Variants in BICD1 observed in about 807,000 individuals in gnomAD.
The protein encoded by BICD1 is protein bicaudal D homolog 1.
Under a neutral mutation model 92.5 loss-of-function variants are expected in BICD1, and 35 were observed. The ratio of observed to expected loss-of-function variants is 0.38; its 90% CI spans 0.29 to 0.50. The LOEUF is 0.50. BICD1 is among the 20% of genes least tolerant of loss of function. The pLI, the probability that BICD1 is intolerant of heterozygous loss-of-function variation, is 0.93. For missense variants in BICD1, 950 were observed against 1,189.8 expected (o/e 0.80, Z 2.97); for synonymous variants, 429 against 465.1 (o/e 0.92, Z 1.00).
At chr12:32,155,506 T>G (rs1339798468) in intron 1 of BICD1, among the ~76,000 whole-genome samples, 1 of 152,208 alleles carries the variant, frequency 6.6e-6, no homozygotes, top group Non-Finnish European at 1.5e-5. Context: ...CCGTCTTCCT[T>G]GAAGTAAGAA....
At chr12:32,319,849 C>G (rs1031171000) in intron 4 of BICD1, among the ~76,000 whole-genome samples, 2 of 151,980 alleles carry the variant, frequency 1.3e-5, no homozygotes, top group Non-Finnish European at 2.9e-5. Flanking sequence ...TGCTGTTTCT[C>G]TAGTTTTGGT....
intron 1 of BICD1, among the ~76,000 whole-genome samples, chr12:32,126,064 A>T (rs989222303): frequency 6.6e-6 from 1 of 151,470 alleles, no homozygotes; most frequent in African/African-American, 2.4e-5. Flanking sequence ...AAAAAAAAAA[A>T]AAAAAGCAGT....
At chr12:32,156,025 G>A (rs1239351074) in intron 1 of BICD1, among the ~76,000 whole-genome samples, 1 of 152,154 alleles carries the variant, frequency 6.6e-6, no homozygotes, top group African/African-American at 2.4e-5. Context: ...AATGGAGTGA[G>A]GTCTTGAAAT....
chr12:32,360,926 TTAAACA>T (rs1235199340), intron 8 of BICD1, among the ~76,000 whole-genome samples: 1 of 152,228 alleles, frequency 6.6e-6, no homozygotes, highest in Non-Finnish European at 1.5e-5. Context: ...CACATGTATT[TTAAACA>T]TAAAGTTTAA....
chr12:32,239,771 G>T (rs1361742650), intron 2 of BICD1, among the ~76,000 whole-genome samples: 2 of 151,364 alleles, frequency 1.3e-5, no homozygotes, highest in Non-Finnish European at 2.9e-5. Context: ...ACCACACCCG[G>T]CTAATTTTGT....
intron 9 of BICD1, among the ~76,000 whole-genome samples, chr12:32,375,500 T>G (rs774585326): frequency 7.9e-5 from 12 of 152,150 alleles, no homozygotes; most frequent in Non-Finnish European, 1.3e-4. Context: ...ACTGCACTCC[T>G]GCCTGGGCGA....
intron 2 of BICD1, among the ~76,000 whole-genome samples, chr12:32,232,670 A>G (rs1945927434): frequency 6.6e-6 from 1 of 152,100 alleles, no homozygotes; most frequent in Non-Finnish European, 1.5e-5. Context: ...GCCCATGCCT[A>G]TGTCCTGAAT....
chr12:32,169,844 C>T (rs1414080236), intron 1 of BICD1, among the ~76,000 whole-genome samples: 1 of 152,174 alleles, frequency 6.6e-6, no homozygotes, highest in Non-Finnish European at 1.5e-5. Flanking sequence ...CCTGACTTGG[C>T]CTCAGCCTCC....
intron 2 of BICD1, among the ~76,000 whole-genome samples, chr12:32,265,653 C>T (rs1221096333): frequency 2.0e-5 from 3 of 149,884 alleles, no homozygotes; most frequent in Non-Finnish European, 1.5e-5. Flanking sequence ...CCCAAGAGTT[C>T]GCGGTTACAG....
chr12:32,146,009 T>C (rs942620631), intron 1 of BICD1, among the ~76,000 whole-genome samples: 9 of 152,216 alleles, frequency 5.9e-5, no homozygotes. Flanking sequence ...CCAGCTCTTA[T>C]AGAACTTAGA....
intron 2 of BICD1, among the ~76,000 whole-genome samples, chr12:32,247,518 C>T (rs1208814191): frequency 6.6e-6 from 1 of 152,148 alleles, no homozygotes; most frequent in Non-Finnish European, 1.5e-5. Flanking sequence ...GTGGCTCACA[C>T]CTGTAATCCC....
At chr12:32,295,466 G>T (rs1293061397) in intron 3 of BICD1, among the ~76,000 whole-genome samples, 1 of 152,048 alleles carries the variant, frequency 6.6e-6, no homozygotes, top group Admixed American at 6.6e-5. Flanking sequence ...AATCCATAGG[G>T]CATGATTCTT....
intron 1 of BICD1, among the ~76,000 whole-genome samples, chr12:32,163,062 C>T (rs1259199186): frequency 6.6e-6 from 1 of 152,088 alleles, no homozygotes; most frequent in East Asian, 1.9e-4. Context: ...GAAAAGGACT[C>T]TTCCAAAGCC....
rs80125405 is a variant in BICD1 at position 32,261,580 on chromosome 12, C to T, written c.427-32414C>T. The stretch of plus-strand genomic sequence containing the variant: ...AGGTGATATTATAGGGAAGGAAAAC[C>T]GTATTGTCATATTTTCATGGAATTC... On this transcript the variant is annotated intron_variant, in intron 2 of 9. Transcript: ENST00000652176. 4.9e-3 allele frequency among the ~76,000 whole-genome samples: 740 copies of T among 152,274 alleles called. 6 individuals are homozygous for T. The highest frequency in any genetic ancestry group is 0.016 in the African/African-American group (662 of 41,564).
rs760036729 is a variant in BICD1 at position 32,305,920 on chromosome 12, A to G, written c.803A>G (p.Asp268Gly). The G allele has an allele frequency of 1.2e-6, 2 of 1,614,198 alleles. No homozygotes were observed. Among genetic ancestry groups the G allele is most frequent in the South Asian group, 2.2e-5 (2 of 91,076 alleles). ...LNDNHISISV[D>G]GLKFAEDGSE... ...GATAACCATATCAGCATCTCAGTAG[A>G]TGGACTCAAATTTGCCGAGGATGGG... is the stretch of plus-strand genomic sequence containing the variant. Residue 268 changes from aspartate (D) to glycine (G), a missense_variant, in exon 4 of 10, where the codon GAT becomes GGT. Asp to Gly is a moderately conservative substitution (Grantham distance 94). Coordinates refer to ENST00000652176, the MANE Select transcript of BICD1 (RefSeq NM_001714.4).
Position 32,334,443 on chromosome 12 carries a change from C to T in BICD1, c.2101-73C>T, listed in dbSNP as rs565139144. On this transcript the variant is annotated intron_variant, in intron 5 of 9. Transcript: ENST00000652176. ...TCCTTTTATAAAAGAACATAATAGG[C>T]ACAGCATGAAGCAATCTGTATGATG... 6.9e-5 allele frequency: 98 copies of T among 1,410,158 alleles called. No individual in the cohort carries two copies. In the South Asian group the frequency reaches 1.4e-3, roughly 20 times the overall value. 87.4% of individuals were successfully genotyped at this position (1,410,158 alleles called of 1,614,324 possible).
At chr12:32,177,763 AAT>A (rs1491578772) in intron 1 of BICD1, among the ~76,000 whole-genome samples, 2 of 14,876 alleles carry the variant, frequency 1.3e-4, no homozygotes, top group Non-Finnish European at 2.9e-4. Context: ...TAAATATTTT[AAT>A]ATATATTTAA....
At chr12:32,123,089 A>T (rs1329153824) in intron 1 of BICD1, among the ~76,000 whole-genome samples, 1 of 148,912 alleles carries the variant, frequency 6.7e-6, no homozygotes, top group Non-Finnish European at 1.5e-5. Context: ...AGTAGATAGC[A>T]CGTTAGATCA....
intron 2 of BICD1, among the ~76,000 whole-genome samples, chr12:32,246,029 C>CAAAAAAA (rs71068311): frequency 4.5e-5 from 2 of 44,092 alleles, no homozygotes; most frequent in Admixed American, 4.0e-4. Context: ...TACTCTGTCT[C>CAAAAAAA]AAAAAAAAAA....
Sources: allele counts gnomAD v4.1 joint callset (sites outside exome capture counted in the v4.1 genomes callset), GRCh38; gene constraint gnomAD v4.1.1; transcripts MANE v1.5; gene names NCBI Gene and HGNC (gene_info 2026-07-23, HGNC 2026-07-21).